Variants in PPP3CC observed in about 807,000 individuals in gnomAD.
PPP3CC encodes serine/threonine-protein phosphatase 2B catalytic subunit gamma isoform.
PPP3CC carries 35 observed loss-of-function variants against 60.3 expected under a neutral mutation model. That is an observed-to-expected ratio of 0.58 (90% CI 0.44 to 0.77). The LOEUF (loss-of-function observed/expected upper bound fraction) is 0.77, where lower values mean the gene tolerates loss of function less well. Among genes scored for constraint, PPP3CC ranks in the 30% least tolerant of loss-of-function variants. PPP3CC has a pLI of 0.00. For synonymous variants in PPP3CC, 206 were observed against 224.3 expected (o/e 0.92, Z 0.73); for missense variants, 570 against 628.9 (o/e 0.91, Z 1.00).
At chr8:22,476,312 A>G (rs1364137110) in intron 3 of PPP3CC, among the ~76,000 whole-genome samples, 2 of 152,218 alleles carry the variant, frequency 1.3e-5, no homozygotes, top group African/African-American at 4.8e-5. Flanking sequence ...CTGGCAAATA[A>G]AAGAGAAAAA....
At chr8:22,522,237 A>T (rs972040494) in intron 6 of PPP3CC, among the ~76,000 whole-genome samples, 4 of 152,170 alleles carry the variant, frequency 2.6e-5, no homozygotes, top group Non-Finnish European at 4.4e-5. Flanking sequence ...AGACAAAAAA[A>T]TTAAAAGATG....
chr8:22,522,250 A>T (rs981689975), intron 6 of PPP3CC, among the ~76,000 whole-genome samples: 4 of 152,074 alleles, frequency 2.6e-5, no homozygotes, highest in Non-Finnish European at 4.4e-5. Context: ...AAAAGATGAG[A>T]TGGAGGAGCT....
At chr8:22,505,464 C>T (rs899012398) in intron 4 of PPP3CC, among the ~76,000 whole-genome samples, 1 of 152,094 alleles carries the variant, frequency 6.6e-6, no homozygotes, top group Non-Finnish European at 1.5e-5. Context: ...TGTCATTGCT[C>T]ATTGCAGCAT....
intron 6 of PPP3CC, among the ~76,000 whole-genome samples, chr8:22,516,642 G>A (rs1400110660): frequency 6.6e-6 from 1 of 152,204 alleles, no homozygotes; most frequent in Non-Finnish European, 1.5e-5. Flanking sequence ...GTTCCTAGCT[G>A]AGGTTGAACA....
At chr8:22,539,387 C>T in intron 12 of PPP3CC, 82 bp from the exon 13 acceptor site, 1 of 1,483,674 alleles carries the variant, frequency 6.7e-7, no homozygotes, top group Non-Finnish European at 9.3e-7. Flanking sequence ...CCTGGGATGG[C>T]TGTGCTGCCA....
Position 22,508,069 on chromosome 8 carries a change from C to G in PPP3CC, c.485-3017C>G, listed in dbSNP as rs1347429127. 1.3e-5 allele frequency among the ~76,000 whole-genome samples: 2 copies of G among 152,102 alleles called. 1 individual carries two copies. The highest frequency in any genetic ancestry group is 2.9e-5 in the Non-Finnish European group (2 of 68,024). On this transcript the variant is annotated intron_variant, in intron 4 of 13. Transcript: ENST00000240139. ...AGGAATTGAAGACCAACCTGGGCAG[C>G]ATATCGAGACCCTGTCTCTACAAGT...
At chr8:22,443,519 T>TAAAAAAA (rs5890033) in intron 1 of PPP3CC, among the ~76,000 whole-genome samples, 1 of 103,676 alleles carries the variant, frequency 9.6e-6, no homozygotes, top group Non-Finnish European at 2.0e-5. Context: ...AAACTCTCTC[T>TAAAAAAA]AAAAAAAAAA....
At position 22,494,449 on chromosome 8, in the gene PPP3CC, G is replaced by A. The variant is rs537962645; in HGVS notation, c.373-3552G>A. ...TTCTGGTAGCTACAATTCAAGTTGA[G>A]ATTTGGCTGGGGACACTGCCAAACC... On this transcript the variant is annotated intron_variant, in intron 3 of 13. Transcript: ENST00000240139. Among the ~76,000 whole-genome samples the A allele has an allele frequency of 1.7e-3, 255 of 152,270 alleles. 1 individual carries two copies. The highest frequency in any genetic ancestry group is 6.0e-3 in the African/African-American group (251 of 41,534).
chr8:22,478,899 C>T (rs911559318), intron 3 of PPP3CC, among the ~76,000 whole-genome samples: 1 of 152,172 alleles, frequency 6.6e-6, no homozygotes, highest in Non-Finnish European at 1.5e-5. Flanking sequence ...TTGTATTTAG[C>T]TTTATTCTGT....
At chr8:22,525,157 T>TA (rs996647218) in intron 8 of PPP3CC, among the ~76,000 whole-genome samples, 20 of 147,502 alleles carry the variant, frequency 1.4e-4, no homozygotes, top group Middle Eastern at 3.4e-3. Context: ...CTCTAAAAAA[T>TA]AAAAAAAAAA....
chr8:22,485,533 A>G (rs79683183), intron 3 of PPP3CC, among the ~76,000 whole-genome samples: 3,047 of 152,272 alleles, frequency 0.02, 64 homozygotes, highest in East Asian at 0.086. Flanking sequence ...TCACTAAGGG[A>G]AAAAGAGGCA....
intron 6 of PPP3CC, 108 bp downstream of exon 6, chr8:22,513,540 G>A: frequency 2.4e-6 from 3 of 1,249,044 alleles, no homozygotes; most frequent in Non-Finnish European, 3.2e-6. Context: ...AAGCACTCCT[G>A]TTTAATTTTT....
chr8:22,474,444 C>T (rs376692061), intron 1 of PPP3CC, among the ~76,000 whole-genome samples: 48 of 152,092 alleles, frequency 3.2e-4, no homozygotes, highest in African/African-American at 1.1e-3. Context: ...TGGCTCACTC[C>T]TGTAATCCCA....
intron 6 of PPP3CC, among the ~76,000 whole-genome samples, chr8:22,521,323 G>A (rs1839399557): frequency 6.6e-6 from 1 of 152,196 alleles, no homozygotes. Flanking sequence ...TCTGGTTGGT[G>A]GATCTGTTAC....
rs1839915671 is a variant in PPP3CC at position 22,539,607 on chromosome 8, A to G, written c.1351+109A>G. The G allele has an allele frequency of 1.3e-5, 15 of 1,134,636 alleles. 1 individual carries two copies. In the Admixed American group the frequency reaches 3.2e-4, roughly 24 times the overall value. The allele number at this position is 1,134,636 out of a possible 1,614,324, so 70.3% of individuals were successfully genotyped here. On this transcript the variant is annotated intron_variant, in intron 13 of 13. Transcript: ENST00000240139. ...ATTATTGCATCACCAGAACTATAAC[A>G]GTGAGAAAAGGTATAGTTGTTTCTA...
chr8:22,509,222 A>G, intron 4 of PPP3CC, among the ~76,000 whole-genome samples: 1 of 152,194 alleles, frequency 6.6e-6, no homozygotes, highest in Admixed American at 6.5e-5. Flanking sequence ...ATCTGGACCC[A>G]TCATTCTTCA....
chr8:22,491,630 TC>T (rs1232336560), intron 3 of PPP3CC, among the ~76,000 whole-genome samples: 1 of 152,224 alleles, frequency 6.6e-6, no homozygotes, highest in Non-Finnish European at 1.5e-5. Flanking sequence ...TGTATTGCTT[TC>T]ATTATCATTC....
At chr8:22,448,285 G>A (rs1177874694) in intron 1 of PPP3CC, among the ~76,000 whole-genome samples, 2 of 151,818 alleles carry the variant, frequency 1.3e-5, no homozygotes, top group African/African-American at 4.8e-5. Flanking sequence ...TGTCAAGCCT[G>A]GATTAAGAAA....
intron 4 of PPP3CC, among the ~76,000 whole-genome samples, chr8:22,505,992 AT>A (rs920680712): frequency 2.9e-4 from 44 of 151,224 alleles, no homozygotes; most frequent in Admixed American, 1.3e-3. Flanking sequence ...TGCTATACAG[AT>A]TATTTTGTCA....
Sources: gnomAD v4.1 joint callset for allele counts (sites outside exome capture counted in the v4.1 genomes callset) on GRCh38, gnomAD v4.1.1 for gene constraint, MANE v1.5 for transcripts, NCBI Gene and HGNC (gene_info 2026-07-23, HGNC 2026-07-21) for gene names.